Variants in RP1L1 observed in about 807,000 individuals in gnomAD.
RP1L1 encodes RP1 like 1, also known as retinitis pigmentosa 1-like 1 protein.
In RP1L1, 27 loss-of-function variants were observed where a neutral mutation model predicts 15.7. The observed-to-expected ratio is 1.72, with a 90% CI of 1.27 to 2.38. The LOEUF (loss-of-function observed/expected upper bound fraction) is 2.38. Among genes scored for constraint, RP1L1 ranks in the 30% most tolerant of loss-of-function variants. RP1L1 has a pLI of 0.00. For missense variants in RP1L1, 4,798 were observed against 3,075.9 expected, an observed-to-expected ratio of 1.56 and a Z score of -13.24; for synonymous variants, 1,813 against 1,276.7, an observed-to-expected ratio of 1.42 and a Z score of -8.96.
chr8:10,621,663 C>T (rs540554632), intron 2 of RP1L1: 2 of 471,330 alleles, frequency 4.2e-6, no homozygotes, highest in Admixed American at 2.2e-5. Context: ...ATGGTGCATA[C>T]AGATGTTAAG....
chr8:10,622,095 G>A (rs1210233224), intron 2 of RP1L1, among the ~76,000 whole-genome samples: 1 of 152,042 alleles, frequency 6.6e-6, no homozygotes, highest in African/African-American at 2.4e-5. Flanking sequence ...GCCGAATCGG[G>A]CAGATCACCT....
intron 2 of RP1L1, chr8:10,621,764 C>T (rs368905054): frequency 1.5e-4 from 77 of 507,480 alleles, no homozygotes; most frequent in East Asian, 6.1e-4. Context: ...ATTTCATGTC[C>T]GGCAGAACCT....
At position 10,628,977 on chromosome 8, in the gene RP1L1, G is replaced by C. The variant is rs527447166; in HGVS notation, c.-19-5757C>G. 2.0e-5 allele frequency among the ~76,000 whole-genome samples: 3 copies of C among 152,352 alleles called. No homozygotes were observed. The East Asian group carries it at 5.8e-4, about 29-fold the overall frequency. ...AAGCGGGATGTGCAGCCTCGTCAGA[G>C]CTCCCTTGAAGGCAGGAAGTGGGTC... On this transcript the variant is annotated intron_variant, in intron 1 of 3. Coordinates refer to ENST00000382483, the MANE Select transcript of RP1L1 (RefSeq NM_178857.6).
chr8:10,633,198 C>T (rs1045400703), intron 1 of RP1L1, among the ~76,000 whole-genome samples: 8 of 152,140 alleles, frequency 5.3e-5, no homozygotes, highest in Non-Finnish European at 1.5e-5. Context: ...GCCCCAGGGC[C>T]GTGAGCCAGG....
chr8:10,614,613 A>T (rs1245222687), intron 3 of RP1L1, among the ~76,000 whole-genome samples: 3 of 145,150 alleles, frequency 2.1e-5, no homozygotes, highest in African/African-American at 5.0e-5. Context: ...GTGAGCCTAG[A>T]TCGCATCACT....
At chr8:10,634,456 G>A (rs950419724) in intron 1 of RP1L1, among the ~76,000 whole-genome samples, 5 of 152,140 alleles carry the variant, frequency 3.3e-5, no homozygotes, top group African/African-American at 1.2e-4. Context: ...TGTGACAAGT[G>A]GGGAAGATCA....
intron 1 of RP1L1, among the ~76,000 whole-genome samples, chr8:10,631,359 AC>A (rs1798245851): frequency 2.5e-5 from 1 of 40,508 alleles, no homozygotes; most frequent in African/African-American, 9.7e-5. Context: ...ACACATGCAC[AC>A]AAACACACAT....
Position 10,613,121 on chromosome 8 carries a change from T to C in RP1L1, c.977A>G (p.Lys326Arg), listed in dbSNP as rs775029557. The C allele has an allele frequency of 2.5e-5, 41 of 1,613,812 alleles. No individual in the cohort carries two copies. The highest frequency in any genetic ancestry group is 3.2e-5 in the Non-Finnish European group (38 of 1,180,042). Residue 326 changes from lysine to arginine, a missense_variant, in exon 4 of 4, where the codon AAA becomes AGA. Coordinates refer to ENST00000382483, the MANE Select transcript of RP1L1 (RefSeq NM_178857.6). ...CTCGCCGACCAGGTGGAAGCGGACT[T>C]TCATCTCCACGGACAGGCTGCCGTC... ...NEDGSLSVEM[K>R]VRFHLVGEDT... is the part of the protein sequence containing the mutation.
chr8:10,643,939 G>T (rs1447403567), intron 1 of RP1L1, among the ~76,000 whole-genome samples: 1 of 151,880 alleles, frequency 6.6e-6, no homozygotes, highest in Non-Finnish European at 1.5e-5. Context: ...TCTCTATCAA[G>T]CAGGTAGACA....
At position 10,607,623 on chromosome 8, in the gene RP1L1, G is replaced by C; in HGVS notation, c.6475C>G (p.Pro2159Ala). ...TGGGCCTCTATACCTTCTGACTCTG[G>C]CTGGGCCTCCCCTTCTGCATCCTGG... Reference protein sequence around the residue: ...EAQDAEGEAQPESEGIEAQEA... With the variant: ...EAQDAEGEAQAESEGIEAQEA... Residue 2159 changes from proline (P) to alanine (A), a missense_variant, in exon 4 of 4, where the codon CCA becomes GCA. Transcript: ENST00000382483. The C allele has an allele frequency of 1.3e-6, 2 of 1,588,454 alleles. No homozygotes were observed. Among genetic ancestry groups the C allele is most frequent in the South Asian group, 1.1e-5 (1 of 89,428 alleles).
chr8:10,652,199 G>A (rs193208671), intron 1 of RP1L1, among the ~76,000 whole-genome samples: 11 of 152,240 alleles, frequency 7.2e-5, no homozygotes, highest in South Asian at 2.1e-4. Flanking sequence ...ATGAAGCCAC[G>A]CATGACTCCA....
At chr8:10,626,853 G>A (rs1298255683) in intron 1 of RP1L1, among the ~76,000 whole-genome samples, 4 of 152,336 alleles carry the variant, frequency 2.6e-5, no homozygotes, top group South Asian at 4.1e-4. Flanking sequence ...TCTGGGTGCT[G>A]AGAGCGGCAG....
intron 1 of RP1L1, among the ~76,000 whole-genome samples, chr8:10,634,081 G>A (rs1012763121): frequency 9.9e-5 from 15 of 152,136 alleles, no homozygotes; most frequent in African/African-American, 3.6e-4. Context: ...GAGCTCAGAG[G>A]ACCAGGCTGG....
chr8:10,635,146 A>T (rs1284209867), intron 1 of RP1L1, among the ~76,000 whole-genome samples: 1 of 152,076 alleles, frequency 6.6e-6, no homozygotes, highest in Non-Finnish European at 1.5e-5. Context: ...TCTTCATCTG[A>T]TCTTGCCACT....
chr8:10,650,443 C>G (rs1049647204), intron 1 of RP1L1, among the ~76,000 whole-genome samples: 3 of 152,124 alleles, frequency 2.0e-5, no homozygotes, highest in Non-Finnish European at 4.4e-5. Context: ...TTATCCACAT[C>G]TATGATAATG....
chr8:10,616,651 G>C lies in RP1L1; in HGVS notation c.610-64C>G, dbSNP rs907281908. ...CAGAAACCCCTCTACCCTGAGGCCT[G>C]GGGGAGGAAGGATCCAGTCTCACCA... On this transcript the variant is annotated intron_variant, in intron 2 of 3. Transcript: ENST00000382483. The C allele has an allele frequency of 5.2e-6, 8 of 1,526,362 alleles. No homozygotes were observed. The African/African-American group carries it at 6.9e-5, about 13-fold the overall frequency. The allele number at this position is 1,526,362 out of a possible 1,614,324, so 94.6% of individuals were successfully genotyped here.
At chr8:10,627,033 T>C (rs1227341890) in intron 1 of RP1L1, among the ~76,000 whole-genome samples, 1 of 152,142 alleles carries the variant, frequency 6.6e-6, no homozygotes, top group African/African-American at 2.4e-5. Context: ...ACATTGCTGG[T>C]GGGAAGGTCA....
chr8:10,631,285 AC>A (rs1424643822), intron 1 of RP1L1, among the ~76,000 whole-genome samples: 1 of 150,864 alleles, frequency 6.6e-6, no homozygotes, highest in East Asian at 1.9e-4. Flanking sequence ...GCATGCACAC[AC>A]ACGCACACAA....
rs745929039 is a variant in RP1L1, at chr8:10,608,359, C to T, written c.5739G>A (p.Lys1913=). The change falls in exon 4 of 4, where the codon AAG becomes AAA. Residue 1913 remains lysine, a synonymous_variant. Transcript: ENST00000382483. ...SEGAEAPEAE[K]EAQPETESVE... is the part of the protein sequence containing the mutation. ...CACTTTCTGTCTCTGGCTGGGCCTC[C>T]TTTTCTGCCTCCGGGGCTTCTGCAC... The T allele has an allele frequency of 6.8e-6, 11 of 1,612,588 alleles. No individual in the cohort carries two copies. The highest frequency in any genetic ancestry group is 3.3e-5 in the Admixed American group (2 of 59,834).
Sources: gnomAD v4.1 joint callset for allele counts (sites outside exome capture counted in the v4.1 genomes callset) on GRCh38, gnomAD v4.1.1 for gene constraint, MANE v1.5 for transcripts, NCBI Gene and HGNC (gene_info 2026-07-23, HGNC 2026-07-21) for gene names.